PKP2: variants seen among roughly 807,000 people sequenced by gnomAD.
PKP2 encodes the protein plakophilin-2.
A neutral mutation model predicts 83.4 loss-of-function variants in PKP2; 73 were observed. The ratio of observed to expected loss-of-function variants is 0.88; its 90% CI spans 0.72 to 1.06. The LOEUF is 1.06. Among genes scored for constraint, PKP2 ranks in the 50% least tolerant of loss-of-function variants. PKP2 has a pLI of 0.00. For missense variants in PKP2, 966 were observed against 1,065.4 expected, an observed-to-expected ratio of 0.91 and a Z score of 1.30; for synonymous variants, 409 against 430.4, an observed-to-expected ratio of 0.95 and a Z score of 0.62.
chr12:32,839,852 G>T (rs1156597539), intron 6 of PKP2, among the ~76,000 whole-genome samples: 1 of 152,198 alleles, frequency 6.6e-6, no homozygotes, highest in African/African-American at 2.4e-5. Flanking sequence ...ATGGATTCGA[G>T]GAAGGCCACT....
At chr12:32,855,525 G>A (rs917136994) in intron 4 of PKP2, among the ~76,000 whole-genome samples, 2 of 152,178 alleles carry the variant, frequency 1.3e-5, no homozygotes, top group African/African-American at 4.8e-5. Context: ...TGTAATCCCA[G>A]CACTTTGGAA....
chr12:32,880,061 A>G (rs896105745), intron 1 of PKP2, among the ~76,000 whole-genome samples: 3 of 151,120 alleles, frequency 2.0e-5, no homozygotes, highest in Admixed American at 6.6e-5. Context: ...AGGTGTAGGC[A>G]ATAAATATAA....
In PKP2 at chr12:32,832,752, A is replaced by G. The variant is rs114076632; in HGVS notation, c.1556+8276T>C. 7.4e-3 allele frequency among the ~76,000 whole-genome samples: 1,120 copies of G among 152,340 alleles called. 19 individuals are homozygous for G. Among genetic ancestry groups the G allele is most frequent in the African/African-American group, 0.025 (1,028 of 41,584 alleles). On this transcript the variant is annotated intron_variant, in intron 6 of 12. Coordinates refer to ENST00000340811, the MANE Select transcript of PKP2 (RefSeq NM_001005242.3). The stretch of plus-strand genomic sequence containing the variant: ...TTCTTCTCCAGAAGTAAATGCATTT[A>G]GATTCTGATTTTCAATAGTAAGTTC...
intron 9 of PKP2, among the ~76,000 whole-genome samples, chr12:32,809,859 ACCC>A (rs1312673486): frequency 6.6e-6 from 1 of 152,054 alleles, no homozygotes; most frequent in Non-Finnish European, 1.5e-5. Flanking sequence ...TGGGCCACTG[ACCC>A]ACTCTGCTTT....
chr12:32,832,205 C>T (rs111370497), intron 6 of PKP2, among the ~76,000 whole-genome samples: 2,191 of 151,904 alleles, frequency 0.014, 45 homozygotes, highest in African/African-American at 0.05. Context: ...GGTGAAACCC[C>T]GTCTCTACTA....
At position 32,896,654 on chromosome 12, in the gene PKP2, G is replaced by A; in HGVS notation, c.78C>T (p.Asp26=). ...VLGQQILGQL[D]SSSLALPSEA... is the part of the protein sequence containing the mutation. ...CGGAGGGCAGCGCCAGGCTGGAGCT[G>A]TCCAGTTGTCCCAGGATCTGCTGGC... Residue 26 remains aspartate, a synonymous_variant, in exon 1 of 13, where the codon GAC becomes GAT. Transcript: ENST00000340811. 1 of 1,565,236 alleles carries A rather than the reference G, an allele frequency of 6.4e-7. No individual in the cohort carries two copies. Among genetic ancestry groups the A allele is most frequent in the Non-Finnish European group, 8.6e-7 (1 of 1,164,886 alleles).
chr12:32,841,766 T>C (rs1194091699), intron 5 of PKP2, among the ~76,000 whole-genome samples: 2 of 152,208 alleles, frequency 1.3e-5, no homozygotes, highest in African/African-American at 4.8e-5. Context: ...AGGAAGCTGA[T>C]CAACATCACC....
chr12:32,840,182 G>T (rs1015656130), intron 6 of PKP2, among the ~76,000 whole-genome samples: 1 of 152,200 alleles, frequency 6.6e-6, no homozygotes, highest in Non-Finnish European at 1.5e-5. Flanking sequence ...CTTCCAGGTG[G>T]TGCTGGACCT....
chr12:32,845,195 G>A (rs1162547427), intron 5 of PKP2, among the ~76,000 whole-genome samples: 1 of 152,122 alleles, frequency 6.6e-6, no homozygotes, highest in East Asian at 1.9e-4. Flanking sequence ...ACTGCCAACC[G>A]TGATGTTTGT....
At chr12:32,798,399 T>C (rs1279881299) in intron 10 of PKP2, among the ~76,000 whole-genome samples, 2 of 151,880 alleles carry the variant, frequency 1.3e-5, no homozygotes. Flanking sequence ...CCTACTATTT[T>C]AAAAAGAGAA....
chr12:32,830,030 G>A (rs550334383), intron 6 of PKP2, among the ~76,000 whole-genome samples: 115 of 152,250 alleles, frequency 7.6e-4, no homozygotes, highest in Middle Eastern at 3.4e-3. Flanking sequence ...AAAAAATTAT[G>A]CACGCATCAC....
At chr12:32,887,174 T>G (rs1440324561) in intron 1 of PKP2, among the ~76,000 whole-genome samples, 1 of 152,236 alleles carries the variant, frequency 6.6e-6, no homozygotes, top group East Asian at 1.9e-4. Flanking sequence ...ATCAGGTATA[T>G]GCTAGAAAGT....
chr12:32,845,528 G>A (rs1053941633), intron 5 of PKP2, among the ~76,000 whole-genome samples: 11 of 152,016 alleles, frequency 7.2e-5, no homozygotes, highest in Admixed American at 1.3e-4. Context: ...CTCCAGCCTC[G>A]GCAACAGAGC....
rs1956690937 is a variant in PKP2 at position 32,850,931 on chromosome 12, T to C, written c.1213A>G (p.Lys405Glu). The C allele has an allele frequency of 1.2e-6, 2 of 1,614,026 alleles. No homozygotes were observed. The highest frequency in any genetic ancestry group is 1.7e-6 in the Non-Finnish European group (2 of 1,180,030). Residue 405 changes from lysine to glutamate, a missense_variant, in exon 5 of 13, where the codon AAA (lysine) becomes GAA (glutamate). By Grantham distance (56) the Lys-to-Glu change is moderately conservative (BLOSUM62 1). Coordinates refer to ENST00000340811, the MANE Select transcript of PKP2 (RefSeq NM_001005242.3). ...CGCTGAACGTCTTCATTCTGAACTTTTAGGAGCTGCAGAAGCTTGAGGATG... is the reference window on the plus strand; with the variant it reads ...CGCTGAACGTCTTCATTCTGAACTTCTAGGAGCTGCAGAAGCTTGAGGATG... ...RGILKLLQLL[K>E]VQNEDVQRAV... is the part of the protein sequence containing the mutation.
At chr12:32,792,859 C>G in intron 11 of PKP2, 128 bp from the exon 12 acceptor site, 1 of 751,736 alleles carries the variant, frequency 1.3e-6, no homozygotes. Context: ...TGAAGTCAGG[C>G]CACTCGGTGA....
intron 9 of PKP2, among the ~76,000 whole-genome samples, chr12:32,811,910 C>A (rs1276314414): frequency 6.6e-6 from 1 of 152,174 alleles, no homozygotes; most frequent in Non-Finnish European, 1.5e-5. Context: ...TTACACCACA[C>A]AGCAAAGAGA....
At chr12:32,819,298 CAATACAATACA>C (rs1565579786) in intron 9 of PKP2, among the ~76,000 whole-genome samples, 25 of 25,722 alleles carry the variant, frequency 9.7e-4, no homozygotes, top group African/African-American at 1.4e-3. Context: ...CAATACAATA[CAATACAATACA>C]ATACAATAAA....
At chr12:32,857,640 T>C (rs2137884190) in intron 4 of PKP2, among the ~76,000 whole-genome samples, 1 of 152,284 alleles carries the variant, frequency 6.6e-6, no homozygotes, top group East Asian at 1.9e-4. Context: ...TCAAATGTTC[T>C]TGGGTTGTGA....
chr12:32,891,723 G>T (rs566846858), intron 1 of PKP2, among the ~76,000 whole-genome samples: 1 of 152,186 alleles, frequency 6.6e-6, no homozygotes, highest in East Asian at 1.9e-4. Flanking sequence ...GTCACATATA[G>T]AACAATGTAC....
Sources: gnomAD v4.1 joint callset for allele counts (sites outside exome capture counted in the v4.1 genomes callset) on GRCh38, gnomAD v4.1.1 for gene constraint, MANE v1.5 for transcripts, NCBI Gene and HGNC (gene_info 2026-07-23, HGNC 2026-07-21) for gene names.